Variants in BMPR1A observed in about 807,000 individuals in gnomAD.
BMPR1A encodes the protein bone morphogenetic protein receptor type 1A, also known as bone morphogenetic protein receptor type-1A.
Under a neutral mutation model 66.0 loss-of-function variants are expected in BMPR1A, and 7 were observed. The ratio of observed to expected loss-of-function variants is 0.11; its 90% CI spans 0.06 to 0.20. BMPR1A has a LOEUF of 0.20. BMPR1A is among the 10% of genes least tolerant of loss of function. The probability of loss-of-function intolerance (pLI) is 1.00; values close to 1 mark genes in which losing one functional copy is unlikely to be tolerated. For synonymous variants in BMPR1A, 200 were observed against 229.7 expected (o/e 0.87, Z 1.17); for missense variants, 408 against 669.1 (o/e 0.61, Z 4.31).
chr10:86,899,510 AT>A (rs1278224321), intron 5 of BMPR1A, among the ~76,000 whole-genome samples: 3 of 152,220 alleles, frequency 2.0e-5, no homozygotes, highest in Non-Finnish European at 4.4e-5. Flanking sequence ...CAGTGAGATT[AT>A]ATGTACCAGA....
intron 1 of BMPR1A, among the ~76,000 whole-genome samples, chr10:86,774,459 A>G (rs1372864018): frequency 6.6e-6 from 1 of 152,152 alleles, no homozygotes; most frequent in African/African-American, 2.4e-5. Context: ...AAAAAAAAAA[A>G]ATTGTCAGAG....
chr10:86,890,010 A>G, intron 3 of BMPR1A, 52 bp from the exon 4 acceptor site: 2 of 1,598,808 alleles, frequency 1.3e-6, no homozygotes, highest in Non-Finnish European at 1.7e-6. Flanking sequence ...TTGTCACGAA[A>G]CAATGAGCTT....
chr10:86,812,741 C>A (rs1314145576), intron 1 of BMPR1A, among the ~76,000 whole-genome samples: 4 of 152,160 alleles, frequency 2.6e-5, no homozygotes, highest in Non-Finnish European at 4.4e-5. Context: ...TAGCCTGCCC[C>A]ACTCTCAACA....
chr10:86,871,824 T>G (rs1396547609), intron 2 of BMPR1A, among the ~76,000 whole-genome samples: 1 of 151,748 alleles, frequency 6.6e-6, no homozygotes, highest in Non-Finnish European at 1.5e-5. Flanking sequence ...AAAAATTTAG[T>G]CCAGTCTCCC....
chr10:86,790,234 T>TATATATATATATATATATAA (rs1190481905), intron 1 of BMPR1A, among the ~76,000 whole-genome samples: 2 of 47,980 alleles, frequency 4.2e-5, no homozygotes, highest in South Asian at 1.1e-3. Context: ...TATATATATA[T>TATATATATATATATATATAA]ATCAAAACCA....
intron 1 of BMPR1A, among the ~76,000 whole-genome samples, chr10:86,833,262 T>A (rs952209134): frequency 5.9e-5 from 9 of 152,206 alleles, no homozygotes; most frequent in Admixed American, 5.2e-4. Flanking sequence ...GGCTGTATAG[T>A]GTATCTCATT....
At position 86,924,433 on chromosome 10, in the gene BMPR1A, A is replaced by AT. The variant is rs1843712370; in HGVS notation, c.*720dup. 1 of 233,596 alleles carries AT rather than the reference A, an allele frequency of 4.3e-6. No homozygotes were observed. The highest frequency in any genetic ancestry group is 2.2e-5 in the African/African-American group (1 of 45,346). The allele number at this position is 233,596 out of a possible 1,614,324, so 14.5% of individuals were successfully genotyped here. The stretch of plus-strand genomic sequence containing the variant: ...GTGAGATAGCTTCCCCACCAGCTTT[A>AT]TTTTTTAACATGAAAGCTGATGCCA... On this transcript the variant is annotated 3_prime_UTR_variant, in exon 13 of 13. Coordinates refer to ENST00000372037, the MANE Select transcript of BMPR1A (RefSeq NM_004329.3).
In BMPR1A at chr10:86,923,518, T is replaced by C. The variant is rs1376715944; in HGVS notation, c.1473+12T>C. ...GGAACAGTGATGAAGTGAGTGGAAC[T>C]CAGTCCCCTGAAGAAGTGATTCGTA... On this transcript the variant is annotated intron_variant, in intron 12 of 12. Transcript: ENST00000372037. 6.2e-7 allele frequency: 1 copy of C among 1,614,242 alleles called. No individual in the cohort carries two copies. Among genetic ancestry groups the C allele is most frequent in the African/African-American group, 1.3e-5 (1 of 75,072 alleles).
chr10:86,884,731 A>G (rs1843047285), intron 3 of BMPR1A, among the ~76,000 whole-genome samples: 1 of 151,998 alleles, frequency 6.6e-6, no homozygotes, highest in South Asian at 2.1e-4. Context: ...ATGATTTTTA[A>G]TGCAATAACT....
chr10:86,832,196 G>C (rs1386483199), intron 1 of BMPR1A, among the ~76,000 whole-genome samples: 1 of 152,040 alleles, frequency 6.6e-6, no homozygotes, highest in Admixed American at 6.6e-5. Flanking sequence ...GGCCGGGCGC[G>C]GTGGCTCATA....
At chr10:86,847,454 C>T (rs964359035) in intron 2 of BMPR1A, among the ~76,000 whole-genome samples, 1 of 152,066 alleles carries the variant, frequency 6.6e-6, no homozygotes. Context: ...CTTCCCTGCT[C>T]TGTCTTTTAT....
chr10:86,845,924 G>A (rs1055888227), intron 2 of BMPR1A, among the ~76,000 whole-genome samples: 38 of 152,008 alleles, frequency 2.5e-4, no homozygotes, highest in Non-Finnish European at 3.8e-4. Flanking sequence ...GTGGACTCGG[G>A]AGGTGGAGCT....
intron 2 of BMPR1A, among the ~76,000 whole-genome samples, chr10:86,857,646 C>T (rs1842659023): frequency 6.6e-6 from 1 of 151,326 alleles, no homozygotes; most frequent in South Asian, 2.1e-4. Flanking sequence ...GTGGCATACT[C>T]ACATGGTGGT....
intron 2 of BMPR1A, among the ~76,000 whole-genome samples, chr10:86,868,237 G>T (rs567436045): frequency 6.6e-6 from 1 of 152,194 alleles, no homozygotes; most frequent in African/African-American, 2.4e-5. Flanking sequence ...TAAGATTTCT[G>T]TGTATTACCT....
At chr10:86,846,162 G>C (rs1468943506) in intron 2 of BMPR1A, among the ~76,000 whole-genome samples, 1 of 152,128 alleles carries the variant, frequency 6.6e-6, no homozygotes, top group Non-Finnish European at 1.5e-5. Flanking sequence ...GGTGTTCTCT[G>C]GGTAGGGAAG....
At chr10:86,760,196 T>TTG (rs1841021877) in intron 1 of BMPR1A, among the ~76,000 whole-genome samples, 2 of 137,788 alleles carry the variant, frequency 1.5e-5, no homozygotes, top group East Asian at 2.0e-4. Context: ...CTGTTTTTTT[T>TTG]TTTTTTTTTT....
At chr10:86,784,407 G>C (rs960754979) in intron 1 of BMPR1A, among the ~76,000 whole-genome samples, 14 of 152,090 alleles carry the variant, frequency 9.2e-5, no homozygotes, top group African/African-American at 3.1e-4. Context: ...TACATTTACT[G>C]ATTTTTGTGT....
chr10:86,826,724 A>G (rs888782783), intron 1 of BMPR1A, among the ~76,000 whole-genome samples: 2 of 151,880 alleles, frequency 1.3e-5, no homozygotes, highest in Non-Finnish European at 2.9e-5. Context: ...ATAGTTTAGT[A>G]TTTGTTTTAA....
chr10:86,875,886 G>A lies in BMPR1A; in HGVS notation c.-133G>A, dbSNP rs1433578336. 3 of 766,430 alleles carry A rather than the reference G, an allele frequency of 3.9e-6. No homozygotes were observed. In the Admixed American group the frequency reaches 5.8e-5, roughly 15 times the overall value. 47.5% of individuals were successfully genotyped at this position (766,430 alleles called of 1,614,324 possible). On this transcript the variant is annotated 5_prime_UTR_variant, in exon 3 of 13. Transcript: ENST00000372037. ...TTTCAGGAGTCGTAAGAAAGCAGTG[G>A]GAGTTGAAGTCATTGTCAAGTGCTT...
Sources: allele counts gnomAD v4.1 joint callset (sites outside exome capture counted in the v4.1 genomes callset), GRCh38; gene constraint gnomAD v4.1.1; transcripts MANE v1.5; gene names NCBI Gene and HGNC (gene_info 2026-07-23, HGNC 2026-07-21).